PRKAG2: variants seen among roughly 807,000 people sequenced by gnomAD.
PRKAG2 encodes protein kinase AMP-activated non-catalytic subunit gamma 2, also known as 5'-AMP-activated protein kinase subunit gamma-2.
Under a neutral mutation model 69.6 loss-of-function variants are expected in PRKAG2, and 26 were observed. The observed-to-expected ratio is 0.37, with a 90% CI of 0.27 to 0.52. The LOEUF is 0.52. PRKAG2 is among the 20% of genes least tolerant of loss of function. The pLI is 0.90. For synonymous variants in PRKAG2, 293 were observed against 285.0 expected (o/e 1.03, Z -0.28); for missense variants, 557 against 740.0 (o/e 0.75, Z 2.87).
intron 7 of PRKAG2, 118 bp downstream of exon 7, chr7:151,576,253 C>T: frequency 9.6e-7 from 1 of 1,039,254 alleles, no homozygotes. Flanking sequence ...CAAGAATGTT[C>T]TTTAACTTGG....
chr7:151,751,673 T>G (rs2074702216), intron 3 of PRKAG2, among the ~76,000 whole-genome samples: 1 of 149,454 alleles, frequency 6.7e-6, no homozygotes, highest in African/African-American at 2.5e-5. Context: ...GCCCAGCTAT[T>G]TTTGTTTGTT....
At chr7:151,690,855 T>C (rs1205780293) in intron 3 of PRKAG2, among the ~76,000 whole-genome samples, 2 of 152,236 alleles carry the variant, frequency 1.3e-5, no homozygotes, top group Non-Finnish European at 2.9e-5. Context: ...TGTTTCCTGA[T>C]GCACCTCGGG....
intron 4 of PRKAG2, among the ~76,000 whole-genome samples, chr7:151,665,813 AG>A (rs1830972611): frequency 6.6e-6 from 1 of 152,222 alleles, no homozygotes; most frequent in Admixed American, 6.5e-5. Flanking sequence ...GTGCATATAA[AG>A]TCTTTAACTG....
At chr7:151,812,430 G>T (rs1369715595) in intron 1 of PRKAG2, among the ~76,000 whole-genome samples, 1 of 152,198 alleles carries the variant, frequency 6.6e-6, no homozygotes, top group Non-Finnish European at 1.5e-5. Flanking sequence ...ATAAATCCAA[G>T]ATGGATTCCA....
chr7:151,707,932 C>A (rs1419679049), intron 3 of PRKAG2, among the ~76,000 whole-genome samples: 1 of 152,208 alleles, frequency 6.6e-6, no homozygotes, highest in Non-Finnish European at 1.5e-5. Context: ...GGACATCTAC[C>A]CAGAGAACTC....
chr7:151,814,761 G>C lies in PRKAG2; in HGVS notation c.115-28220C>G. ...GCGCAGGCAACGGTCTTGGTGGCTGGAGCTGCTTTGCTGCTCAAAATGCAG... is the reference window on the plus strand; with the variant it reads ...GCGCAGGCAACGGTCTTGGTGGCTGCAGCTGCTTTGCTGCTCAAAATGCAG... On this transcript the variant is annotated intron_variant, in intron 1 of 15. Coordinates refer to ENST00000287878, the MANE Select transcript of PRKAG2 (RefSeq NM_016203.4). This position sits in a 1 kb window ranked among gnomAD's most constrained non-coding sequence, Gnocchi z 4.8. 1 of 1,231,814 alleles carries C rather than the reference G, an allele frequency of 8.1e-7. No homozygotes were observed. The highest frequency in any genetic ancestry group is 3.2e-5 in the East Asian group (1 of 31,712). 76.3% of individuals were successfully genotyped at this position (1,231,814 alleles called of 1,614,324 possible).
chr7:151,742,586 T>C (rs1022890098), intron 3 of PRKAG2, among the ~76,000 whole-genome samples: 25 of 151,302 alleles, frequency 1.7e-4, no homozygotes, highest in Admixed American at 1.4e-3. Flanking sequence ...ATTGTGCCAC[T>C]GCACTCCAGC....
At chr7:151,764,434 C>T (rs1188530633) in intron 3 of PRKAG2, among the ~76,000 whole-genome samples, 1 of 152,202 alleles carries the variant, frequency 6.6e-6, no homozygotes, top group African/African-American at 2.4e-5. Context: ...AACAAACACT[C>T]AACTCCAGCT....
intron 1 of PRKAG2, among the ~76,000 whole-genome samples, chr7:151,799,423 C>G (rs1473635764): frequency 1.3e-5 from 2 of 152,234 alleles, no homozygotes; most frequent in Non-Finnish European, 2.9e-5. Context: ...ACGGGCCTGG[C>G]TATACTGGGC....
At chr7:151,847,661 G>A (rs555850236) in intron 1 of PRKAG2, among the ~76,000 whole-genome samples, 149 of 152,324 alleles carry the variant, frequency 9.8e-4, no homozygotes, top group Middle Eastern at 3.4e-3. Context: ...ATATAACCAC[G>A]CGGCAAAGCA....
At chr7:151,654,430 T>C (rs2058394) in intron 4 of PRKAG2, among the ~76,000 whole-genome samples, 46,777 of 152,056 alleles carry the variant, frequency 0.31, 7,248 homozygotes, top group Middle Eastern at 0.39. Context: ...CAAATGCACC[T>C]TGCCCCCAAA....
chr7:151,759,215 G>A (rs571484230), intron 3 of PRKAG2, among the ~76,000 whole-genome samples: 11 of 152,230 alleles, frequency 7.2e-5, no homozygotes, highest in African/African-American at 2.4e-4. Context: ...TGCATCGTGG[G>A]CCCCTCCGCC....
chr7:151,697,307 G>A (rs529381617), intron 3 of PRKAG2, among the ~76,000 whole-genome samples: 26 of 152,302 alleles, frequency 1.7e-4, no homozygotes, highest in African/African-American at 6.0e-4. Context: ...TGGTGGACCT[G>A]TGTCCGAGCA....
chr7:151,646,261 C>T (rs1253610249), intron 4 of PRKAG2, among the ~76,000 whole-genome samples: 1 of 152,188 alleles, frequency 6.6e-6, no homozygotes. Flanking sequence ...ATTTGATCTA[C>T]AGATCAATTT....
chr7:151,629,500 T>C (rs942224066), intron 5 of PRKAG2, among the ~76,000 whole-genome samples: 4 of 152,160 alleles, frequency 2.6e-5, no homozygotes, highest in Non-Finnish European at 5.9e-5. Context: ...AACCCACCCG[T>C]ACCATGTCCC....
At chr7:151,775,393 C>A (rs190553825) in intron 3 of PRKAG2, among the ~76,000 whole-genome samples, 8 of 152,224 alleles carry the variant, frequency 5.3e-5, no homozygotes, top group Non-Finnish European at 1.0e-4. Context: ...GAAAGATCCA[C>A]GAATTCTTGC....
At chr7:151,784,855 A>C (rs992488952) in intron 2 of PRKAG2, among the ~76,000 whole-genome samples, 5 of 152,168 alleles carry the variant, frequency 3.3e-5, no homozygotes, top group Admixed American at 1.3e-4. Context: ...AAAATGGCCG[A>C]AGCATGCTGG....
At chr7:151,617,687 T>G (rs2538042) in intron 5 of PRKAG2, among the ~76,000 whole-genome samples, 86,710 of 151,918 alleles carry the variant, frequency 0.57, 25,437 homozygotes, top group East Asian at 0.72. Context: ...CATAGTAACA[T>G]ATTCAAAACT....
intron 2 of PRKAG2, among the ~76,000 whole-genome samples, chr7:151,782,537 T>G (rs1240711887): frequency 6.6e-6 from 1 of 152,230 alleles, no homozygotes; most frequent in Non-Finnish European, 1.5e-5. Context: ...CCCATAACTT[T>G]AAGCCAAGGC....
Sources: allele counts gnomAD v4.1 joint callset (sites outside exome capture counted in the v4.1 genomes callset), GRCh38; gene constraint gnomAD v4.1.1; non-coding constraint Gnocchi (gnomAD v3.1); transcripts MANE v1.5; gene names NCBI Gene and HGNC (gene_info 2026-07-23, HGNC 2026-07-21).